Variants in ACOT13 observed in about 807,000 individuals in gnomAD.
ACOT13 encodes the protein acyl-coenzyme A thioesterase 13.
In ACOT13, 10 loss-of-function variants were observed where a neutral mutation model predicts 11.8. The observed-to-expected ratio is 0.85, with a 90% CI of 0.53 to 1.44. The LOEUF (loss-of-function observed/expected upper bound fraction) is 1.44. Among genes scored for constraint, ACOT13 ranks in the 40% most tolerant of loss-of-function variants. The pLI is 0.00. For synonymous variants in ACOT13, 53 were observed against 61.0 expected (o/e 0.87, Z 0.61); for missense variants, 172 against 174.1 (o/e 0.99, Z 0.07).
At chr6:24,693,758 C>G (rs1046300574) in intron 1 of ACOT13, among the ~76,000 whole-genome samples, 2 of 150,352 alleles carry the variant, frequency 1.3e-5, no homozygotes, top group African/African-American at 4.9e-5. Flanking sequence ...GAGTCTCACT[C>G]TGTCGCCTAG....
chr6:24,683,169 A>ACCT (rs201236085), intron 1 of ACOT13, among the ~76,000 whole-genome samples: 2,990 of 152,252 alleles, frequency 0.02, 94 homozygotes, highest in African/African-American at 0.065. Context: ...GGTCAGGGGC[A>ACCT]CCTCCACTCA....
Position 24,703,152 on chromosome 6 carries a change from A to C in ACOT13, c.*1537A>C, listed in dbSNP as rs1417465887. ...TTGGCCCCCCAAGTACTGGACTTAC[A>C]GGTGTGAACCACTGCACCCAGCTGA... is the stretch of plus-strand genomic sequence containing the variant. On this transcript the variant is annotated 3_prime_UTR_variant, in exon 3 of 3. Coordinates refer to ENST00000230048, the MANE Select transcript of ACOT13 (RefSeq NM_018473.4). The C allele has an allele frequency of 6.6e-6, 1 of 152,270 alleles. No individual in the cohort carries two copies. Among genetic ancestry groups the C allele is most frequent in the African/African-American group, 2.4e-5 (1 of 41,456 alleles). The allele number at this position is 152,270 out of a possible 1,614,324, so 9.4% of individuals were successfully genotyped here.
At chr6:24,683,595 G>T (rs969235018) in intron 1 of ACOT13, among the ~76,000 whole-genome samples, 1 of 149,844 alleles carries the variant, frequency 6.7e-6, no homozygotes, top group African/African-American at 2.5e-5. Context: ...GCCCAAGGTG[G>T]TCAGATCACA....
In ACOT13 at chr6:24,703,039, ACCACG is replaced by A. The variant is rs1226043177; in HGVS notation, c.*1427_*1431del. 6.6e-5 allele frequency: 10 copies of A among 152,316 alleles called. No homozygotes were observed. Among genetic ancestry groups the A allele is most frequent in the African/African-American group, 2.4e-4 (10 of 41,566 alleles). The allele number at this position is 152,316 out of a possible 1,614,324, so 9.4% of individuals were successfully genotyped here. A position where few individuals can be genotyped will look rare whatever the true frequency, so the allele number is the denominator to read the frequency against. The stretch of plus-strand genomic sequence containing the variant: ...GTAGCTGGAACTACAGGCGTGTGCC[ACCACG>A]CCTAATTTTATTTTTGTAGAAACAA... On this transcript the variant is annotated 3_prime_UTR_variant, in exon 3 of 3. Transcript: ENST00000230048.
intron 1 of ACOT13, among the ~76,000 whole-genome samples, chr6:24,686,248 A>G (rs1184278756): frequency 1.3e-5 from 2 of 152,216 alleles, no homozygotes; most frequent in Non-Finnish European, 2.9e-5. Flanking sequence ...AAGGAGTTTC[A>G]TGAGTAAGTT....
At chr6:24,696,522 A>T (rs573946305) in intron 1 of ACOT13, among the ~76,000 whole-genome samples, 4 of 152,342 alleles carry the variant, frequency 2.6e-5, no homozygotes, top group African/African-American at 9.6e-5. Flanking sequence ...ATAACCAACC[A>T]TTTAATGCTT....
intron 1 of ACOT13, among the ~76,000 whole-genome samples, chr6:24,696,088 CAAAA>C (rs1029225620): frequency 1.3e-5 from 2 of 152,168 alleles, no homozygotes; most frequent in Admixed American, 6.5e-5. Flanking sequence ...AAACAAAAAA[CAAAA>C]AACCCAACAA....
In ACOT13 at chr6:24,704,750, T is replaced by C. The variant is rs146056406; in HGVS notation, c.*3135T>C. On this transcript the variant is annotated 3_prime_UTR_variant, in exon 3 of 3. Coordinates refer to ENST00000230048, the MANE Select transcript of ACOT13 (RefSeq NM_018473.4). ...GTTCTTGTTGAAGTTACACACTCAA[T>C]TGCCAGGTATTTTTCTTCTGAATTT... 77 of 152,282 alleles carry C rather than the reference T, an allele frequency of 5.1e-4. No individual in the cohort carries two copies. Among genetic ancestry groups the C allele is most frequent in the African/African-American group, 1.8e-3 (74 of 41,580 alleles). The allele number at this position is 152,282 out of a possible 1,614,324, so 9.4% of individuals were successfully genotyped here.
chr6:24,680,565 C>G (rs187182921), intron 1 of ACOT13, among the ~76,000 whole-genome samples: 1 of 152,098 alleles, frequency 6.6e-6, no homozygotes, highest in Non-Finnish European at 1.5e-5. Context: ...GGATTAGTTA[C>G]GCTCACCAAT....
At chr6:24,694,392 C>A (rs1194916968) in intron 1 of ACOT13, among the ~76,000 whole-genome samples, 1 of 152,138 alleles carries the variant, frequency 6.6e-6, no homozygotes, top group African/African-American at 2.4e-5. Context: ...AATGGTTAAA[C>A]CTGAGACATC....
Position 24,703,835 on chromosome 6 carries a change from G to A in ACOT13, c.*2220G>A, listed in dbSNP as rs879721136. On this transcript the variant is annotated 3_prime_UTR_variant, in exon 3 of 3. Coordinates refer to ENST00000230048, the MANE Select transcript of ACOT13 (RefSeq NM_018473.4). ...TCAAAAGTAACATCAATGAAGAGCA[G>A]ATGGAGAGTATACTTGAGAAGGGCG... 1.3e-5 allele frequency: 2 copies of A among 152,244 alleles called. No homozygotes were observed. Among genetic ancestry groups the A allele is most frequent in the African/African-American group, 4.8e-5 (2 of 41,454 alleles). The allele number at this position is 152,244 out of a possible 1,614,324, so 9.4% of individuals were successfully genotyped here.
intron 1 of ACOT13, chr6:24,687,786 A>G (rs1024517319): frequency 3.1e-5 from 39 of 1,273,076 alleles, no homozygotes; most frequent in African/African-American, 2.5e-4. Flanking sequence ...TCTTGGCTCA[A>G]CTGCAACCTC....
At chr6:24,699,849 A>G (rs1778864846) in intron 2 of ACOT13, among the ~76,000 whole-genome samples, 1 of 152,238 alleles carries the variant, frequency 6.6e-6, no homozygotes, top group South Asian at 2.1e-4. Flanking sequence ...AGGAATTTTC[A>G]GTAAGTCAAA....
intron 2 of ACOT13, among the ~76,000 whole-genome samples, chr6:24,699,274 G>A (rs1298820147): frequency 4.7e-5 from 7 of 148,120 alleles, no homozygotes; most frequent in South Asian, 4.2e-4. Context: ...CAGTGGTGCA[G>A]TCTCGGCTCA....
At chr6:24,669,451 G>T (rs1221609472) in intron 1 of ACOT13, among the ~76,000 whole-genome samples, 2 of 152,146 alleles carry the variant, frequency 1.3e-5, no homozygotes, top group African/African-American at 4.8e-5. Context: ...TGAATAGAAT[G>T]GGAGGCAAGT....
intron 1 of ACOT13, among the ~76,000 whole-genome samples, chr6:24,677,652 A>G (rs1243044200): frequency 6.6e-6 from 1 of 152,228 alleles, no homozygotes; most frequent in Non-Finnish European, 1.5e-5. Flanking sequence ...GGCTTGGGTT[A>G]GGGCCTTCTT....
At chr6:24,686,541 T>G (rs1216844200) in intron 1 of ACOT13, among the ~76,000 whole-genome samples, 1 of 151,476 alleles carries the variant, frequency 6.6e-6, no homozygotes, top group Non-Finnish European at 1.5e-5. Flanking sequence ...CTCTTTTTTT[T>G]CTTTTCTTTT....
intron 1 of ACOT13, among the ~76,000 whole-genome samples, chr6:24,677,151 G>A (rs1778467261): frequency 6.6e-6 from 1 of 152,148 alleles, no homozygotes; most frequent in East Asian, 1.9e-4. Context: ...TACAAGTTGA[G>A]GTTGGGATCA....
At chr6:24,672,418 ATCAGGAGG>A (rs1381689550) in intron 1 of ACOT13, among the ~76,000 whole-genome samples, 3 of 152,222 alleles carry the variant, frequency 2.0e-5, no homozygotes, top group Non-Finnish European at 4.4e-5. Context: ...AGGTGGGCAG[ATCAGGAGG>A]TCAGGAGATC....
Sources: allele counts gnomAD v4.1 joint callset (sites outside exome capture counted in the v4.1 genomes callset), GRCh38; gene constraint gnomAD v4.1.1; transcripts MANE v1.5; gene names NCBI Gene and HGNC (gene_info 2026-07-23, HGNC 2026-07-21).